The following MAPK10 variants were observed in gnomAD, a reference collection of about 807,000 sequenced individuals.
MAPK10 encodes the protein mitogen-activated protein kinase 10, also known as JNK3 alpha protein kinase.
In MAPK10, 25 loss-of-function variants were observed where a neutral mutation model predicts 59.3. The observed-to-expected ratio is 0.42, with a 90% CI of 0.31 to 0.59. The LOEUF (loss-of-function observed/expected upper bound fraction) is 0.59, where lower values mean the gene tolerates loss of function less well. Ranked by LOEUF, MAPK10 falls within the 20% of genes least tolerant of loss-of-function variation. The probability of loss-of-function intolerance (pLI) is 0.15; values close to 1 mark genes in which losing one functional copy is unlikely to be tolerated. For synonymous variants in MAPK10, 190 were observed against 200.5 expected, an observed-to-expected ratio of 0.95 and a Z score of 0.44; for missense variants, 351 against 568.9, an observed-to-expected ratio of 0.62 and a Z score of 3.90.
At chr4:86,052,998 T>A (rs1011241196) in intron 11 of MAPK10, among the ~76,000 whole-genome samples, 2 of 152,030 alleles carry the variant, frequency 1.3e-5, no homozygotes, top group African/African-American at 2.4e-5. Context: ...TATTTTTTTT[T>A]TAAAAAGAAG....
chr4:86,090,247 G>A (rs1262435406), intron 9 of MAPK10: 1 of 151,432 alleles, frequency 6.6e-6, no homozygotes. Context: ...GATGCTGGGG[G>A]GGAGCAAATA....
chr4:86,576,688 T>TGC (rs1761919820), intron 1 of MAPK10, among the ~76,000 whole-genome samples: 1 of 151,028 alleles, frequency 6.6e-6, no homozygotes, highest in Non-Finnish European at 1.5e-5. Context: ...GGCAGGAGAA[T>TGC]GGCATGAACC....
chr4:86,276,693 T>C (rs537835059), intron 2 of MAPK10, among the ~76,000 whole-genome samples: 1 of 152,316 alleles, frequency 6.6e-6, no homozygotes, highest in Non-Finnish European at 1.5e-5. Flanking sequence ...TGGTTTTTAC[T>C]GATTGAAGCA....
rs150573156 is a variant in MAPK10 at position 86,324,366 on chromosome 4, G to A, written c.-7+30164C>T. On this transcript the variant is annotated intron_variant, in intron 2 of 13. Coordinates refer to ENST00000641462, the MANE Select transcript of MAPK10 (RefSeq NM_138982.4). ...GCAGAGGTTGCTGTAAGCCAAGATC[G>A]TGCCATTGCACTCCAACCTAGGCAA... Among the ~76,000 whole-genome samples, 22 of 151,932 alleles carry A rather than the reference G, an allele frequency of 1.4e-4. No homozygotes were observed. In the East Asian group the frequency reaches 2.7e-3, roughly 19 times the overall value.
intron 11 of MAPK10, among the ~76,000 whole-genome samples, chr4:86,048,588 G>A (rs2042944134): frequency 6.6e-6 from 1 of 152,028 alleles, no homozygotes; most frequent in South Asian, 2.1e-4. Flanking sequence ...AAGGGAAAGA[G>A]GATCTTCAGC....
intron 1 of MAPK10, among the ~76,000 whole-genome samples, chr4:86,579,518 C>T (rs899336249): frequency 2.9e-5 from 3 of 103,194 alleles, no homozygotes; most frequent in East Asian, 4.2e-4. Context: ...TATGTGTATA[C>T]ACACACACAC....
intron 4 of MAPK10, among the ~76,000 whole-genome samples, chr4:86,111,111 T>A (rs2057408730): frequency 1.3e-5 from 2 of 152,320 alleles, no homozygotes; most frequent in South Asian, 2.1e-4. Flanking sequence ...CTTAGCAGCT[T>A]AAGGAGCTTT....
chr4:86,258,346 C>T (rs1024640254), intron 2 of MAPK10, among the ~76,000 whole-genome samples: 1 of 152,120 alleles, frequency 6.6e-6, no homozygotes, highest in Non-Finnish European at 1.5e-5. Context: ...GTACTATTCT[C>T]TCTTCCCCAT....
rs140508649 is a variant in MAPK10, at chr4:86,282,681, T to C, written c.-7+71849A>G. On this transcript the variant is annotated intron_variant, in intron 2 of 13. Transcript: ENST00000641462. ...GACACTTGAAGTTTTAAATGCTTTA[T>C]CTGTCTCTCTGAGGTGTTTATAAAT... 4.4e-3 allele frequency among the ~76,000 whole-genome samples: 674 copies of C among 152,298 alleles called. 4 individuals carry two copies. Among genetic ancestry groups the C allele is most frequent in the African/African-American group, 0.015 (643 of 41,580 alleles).
chr4:86,156,569 T>A (rs1351693522), intron 4 of MAPK10, among the ~76,000 whole-genome samples: 1 of 152,026 alleles, frequency 6.6e-6, no homozygotes, highest in Non-Finnish European at 1.5e-5. Flanking sequence ...GCAAGCTGTC[T>A]CTGCTAAACT....
chr4:86,325,740 A>G (rs2148901615), intron 2 of MAPK10, among the ~76,000 whole-genome samples: 1 of 152,344 alleles, frequency 6.6e-6, no homozygotes, highest in South Asian at 2.1e-4. Context: ...CACCATAATT[A>G]TTTCCTTAAA....
chr4:86,164,223 T>C (rs528559699), intron 3 of MAPK10, among the ~76,000 whole-genome samples: 117 of 152,298 alleles, frequency 7.7e-4, no homozygotes, highest in Non-Finnish European at 1.4e-3. Flanking sequence ...TTATATTCTG[T>C]ATGGTTCCAT....
intron 1 of MAPK10, among the ~76,000 whole-genome samples, chr4:86,540,293 G>T (rs965192883): frequency 3.9e-5 from 6 of 152,190 alleles, no homozygotes; most frequent in African/African-American, 1.4e-4. Context: ...TTGAGCTCAG[G>T]AGTGAGACCA....
intron 9 of MAPK10, chr4:86,079,753 A>G (rs2050243983): frequency 6.6e-6 from 1 of 152,202 alleles, no homozygotes; most frequent in Non-Finnish European, 1.5e-5. Flanking sequence ...GTTCTGTAAG[A>G]CCAAATCGGG....
At chr4:86,322,084 T>A (rs181055497) in intron 2 of MAPK10, 117 of 152,320 alleles carry the variant, frequency 7.7e-4, no homozygotes, top group African/African-American at 2.5e-3. Context: ...ATATTCATAA[T>A]TCCATTAAAT....
intron 3 of MAPK10, chr4:86,171,200 CAGAAGGCAAGAA>C (rs1180942285): frequency 6.6e-6 from 1 of 151,550 alleles, no homozygotes; most frequent in Non-Finnish European, 1.5e-5. Context: ...CAAAAGCTAG[CAGAAGGCAAGAA>C]ATAACTAAAA....
At chr4:86,094,342 ATT>A (rs2053823423) in intron 9 of MAPK10, among the ~76,000 whole-genome samples, 1 of 151,926 alleles carries the variant, frequency 6.6e-6, no homozygotes, top group Non-Finnish European at 1.5e-5. Flanking sequence ...TCTAACTGCA[ATT>A]TCCTGTTCTT....
chr4:86,379,527 T>C (rs750010120), intron 1 of MAPK10, among the ~76,000 whole-genome samples: 19 of 152,036 alleles, frequency 1.2e-4, no homozygotes, highest in Non-Finnish European at 2.4e-4. Context: ...CGCTGGAAGG[T>C]TGTGGGTTTA....
chr4:86,030,640 G>C lies in MAPK10; in HGVS notation c.1174+728C>G, dbSNP rs191318244. Among the ~76,000 whole-genome samples, 91 of 152,166 alleles carry C rather than the reference G, an allele frequency of 6.0e-4. 1 individual carries two copies. The highest frequency in any genetic ancestry group is 2.9e-5 in the Non-Finnish European group (2 of 67,990). On this transcript the variant is annotated intron_variant, in intron 12 of 13. Transcript: ENST00000641462. ...GAGTCATCGCTCCTGGCCCTGTTTA[G>C]TATCTTTATAACATTTTCTGCTTAT... is the stretch of plus-strand genomic sequence containing the variant.
Sources: gnomAD v4.1 joint callset for allele counts (sites outside exome capture counted in the v4.1 genomes callset) on GRCh38, gnomAD v4.1.1 for gene constraint, MANE v1.5 for transcripts, NCBI Gene and HGNC (gene_info 2026-07-23, HGNC 2026-07-21) for gene names.